The following SIK2 variants were observed in gnomAD, a reference collection of about 807,000 sequenced individuals.
SIK2 encodes salt inducible kinase 2.
Under a neutral mutation model 103.2 loss-of-function variants are expected in SIK2, and 29 were observed. The observed-to-expected ratio is 0.28, with a 90% CI of 0.21 to 0.38. The LOEUF (loss-of-function observed/expected upper bound fraction) is 0.38, where lower values mean the gene tolerates loss of function less well. Among genes scored for constraint, SIK2 ranks in the 10% least tolerant of loss-of-function variants. The pLI is 1.00. For missense variants in SIK2, 879 were observed against 1,171.0 expected, an observed-to-expected ratio of 0.75 and a Z score of 3.64; for synonymous variants, 412 against 446.1, an observed-to-expected ratio of 0.92 and a Z score of 0.96.
chr11:111,624,464 T>G lies in SIK2; in HGVS notation c.316+4062T>G, dbSNP rs192797094. 1.6e-3 allele frequency among the ~76,000 whole-genome samples: 243 copies of G among 152,362 alleles called. 2 individuals carry two copies. The highest frequency in any genetic ancestry group is 5.4e-3 in the African/African-American group (225 of 41,590). On this transcript the variant is annotated intron_variant, in intron 3 of 14. Coordinates refer to ENST00000304987, the MANE Select transcript of SIK2 (RefSeq NM_015191.3). ...ACCATATTAATTGTTAACATTACTTTGGGCAGGTTTCTTTCCTTTTCTTCC... is the reference window on the plus strand; with the variant it reads ...ACCATATTAATTGTTAACATTACTTGGGGCAGGTTTCTTTCCTTTTCTTCC...
intron 3 of SIK2, among the ~76,000 whole-genome samples, chr11:111,632,123 G>T (rs1297070528): frequency 6.6e-6 from 1 of 152,136 alleles, no homozygotes; most frequent in Non-Finnish European, 1.5e-5. Context: ...CAGGACATAA[G>T]GGCCTAAGAA....
chr11:111,723,881 T>C lies in SIK2; in HGVS notation c.2533T>C (p.Ser845Pro). ...AGCTGCCCCAGCCCCCTTACAGTTC[T>C]CCTATCAGACTTGTGAGCTGCCAAG... is the stretch of plus-strand genomic sequence containing the variant. ...PGAAPAPLQF[S>P]YQTCELPSAA... is the part of the protein sequence containing the mutation. The change falls in exon 15 of 15, where the codon TCC becomes CCC. Residue 845 changes from serine to proline, a missense_variant. Physicochemically the swap from Ser to Pro is moderately conservative, Grantham distance 74. Transcript: ENST00000304987. 6.2e-7 allele frequency: 1 copy of C among 1,610,240 alleles called. No individual in the cohort carries two copies. Among genetic ancestry groups the C allele is most frequent in the Non-Finnish European group, 8.5e-7 (1 of 1,177,570 alleles).
chr11:111,642,341 C>T (rs1194440547), intron 3 of SIK2, among the ~76,000 whole-genome samples: 1 of 152,206 alleles, frequency 6.6e-6, no homozygotes, highest in Non-Finnish European at 1.5e-5. Context: ...TCCCACTTGA[C>T]TACAAAGTTG....
At chr11:111,623,126 T>A (rs1412704967) in intron 3 of SIK2, among the ~76,000 whole-genome samples, 1 of 152,210 alleles carries the variant, frequency 6.6e-6, no homozygotes, top group Non-Finnish European at 1.5e-5. Flanking sequence ...TCATGTTGAG[T>A]AGTTGCTATT....
At chr11:111,635,175 G>A (rs187880078) in intron 3 of SIK2, among the ~76,000 whole-genome samples, 4 of 151,996 alleles carry the variant, frequency 2.6e-5, no homozygotes, top group African/African-American at 7.2e-5. Flanking sequence ...AAATTGGGTC[G>A]GACATTAAAA....
chr11:111,717,491 G>T (rs1028464548), intron 9 of SIK2, among the ~76,000 whole-genome samples: 1 of 152,176 alleles, frequency 6.6e-6, no homozygotes, highest in Non-Finnish European at 1.5e-5. Flanking sequence ...TACACTGTTA[G>T]TGGGAGTGTA....
chr11:111,648,574 C>T (rs888788438), intron 3 of SIK2, among the ~76,000 whole-genome samples: 3 of 151,666 alleles, frequency 2.0e-5, no homozygotes, highest in Admixed American at 1.3e-4. Context: ...ACAAACAAGA[C>T]CATAGCATAT....
rs539132258 is a variant in SIK2 at position 111,606,572 on chromosome 11, G to A, written c.135+3874G>A. On this transcript the variant is annotated intron_variant, in intron 1 of 14. Coordinates refer to ENST00000304987, the MANE Select transcript of SIK2 (RefSeq NM_015191.3). ...GTGTTCTACCTTGTGGATGAATATC[G>A]TTTTACCTAACAATTCCCTTATTAA... 8.9e-4 allele frequency among the ~76,000 whole-genome samples: 135 copies of A among 151,980 alleles called. 1 individual carries two copies. The highest frequency in any genetic ancestry group is 2.9e-3 in the Admixed American group (44 of 15,276).
chr11:111,706,248 A>G (rs1262069191), intron 8 of SIK2, among the ~76,000 whole-genome samples: 1 of 152,234 alleles, frequency 6.6e-6, no homozygotes, highest in Non-Finnish European at 1.5e-5. Context: ...TGTTATATAA[A>G]GTAATAAATA....
chr11:111,723,471 C>A (rs1293068842), intron 14 of SIK2, 25 bp from the exon 15 acceptor site: 3 of 1,556,890 alleles, frequency 1.9e-6, no homozygotes, highest in African/African-American at 2.8e-5. Flanking sequence ...ATTTAAAATT[C>A]TTTCCTTTGA....
chr11:111,626,371 G>T (rs1284847511), intron 3 of SIK2, among the ~76,000 whole-genome samples: 1 of 151,432 alleles, frequency 6.6e-6, no homozygotes, highest in African/African-American at 2.4e-5. Context: ...CAGAACTCAT[G>T]ATCTTTTTTT....
At chr11:111,704,730 A>G (rs550734813) in intron 7 of SIK2, among the ~76,000 whole-genome samples, 2 of 152,350 alleles carry the variant, frequency 1.3e-5, no homozygotes, top group East Asian at 3.9e-4. Context: ...TGACTGGAGA[A>G]AAATAAATGG....
In SIK2 at chr11:111,727,833, A is replaced by C. The variant is rs1944025423; in HGVS notation, c.*3704A>C. 6.6e-6 allele frequency: 1 copy of C among 152,280 alleles called. No individual in the cohort carries two copies. The highest frequency in any genetic ancestry group is 1.5e-5 in the Non-Finnish European group (1 of 68,054). 9.4% of individuals were successfully genotyped at this position (152,280 alleles called of 1,614,324 possible). On this transcript the variant is annotated 3_prime_UTR_variant, in exon 15 of 15. Coordinates refer to ENST00000304987, the MANE Select transcript of SIK2 (RefSeq NM_015191.3). ...TGTGGGCACTAAGCAGCCTCTGGAG[A>C]CATGCGGGCAGTTGAGGATGCAAGG...
rs1227550007 is a variant in SIK2 at position 111,726,039 on chromosome 11, ATCATT to A, written c.*1917_*1921del. On this transcript the variant is annotated 3_prime_UTR_variant, in exon 15 of 15. Coordinates refer to ENST00000304987, the MANE Select transcript of SIK2 (RefSeq NM_015191.3). ...TTGATGATTTCGTGAAATAAAGAACATCATTTCATTTAAGAGATCATTTCATTAAG... is the reference window on the plus strand; with the variant it reads ...TTGATGATTTCGTGAAATAAAGAACATCATTTAAGAGATCATTTCATTAAG... The A allele has an allele frequency of 2.0e-4, 30 of 152,234 alleles. No individual in the cohort carries two copies. The highest frequency in any genetic ancestry group is 5.8e-4 in the African/African-American group (24 of 41,456). The allele number at this position is 152,234 out of a possible 1,614,324, so 9.4% of individuals were successfully genotyped here. A position where few individuals can be genotyped will look rare whatever the true frequency, so the allele number is the denominator to read the frequency against.
rs142099768 is a variant in SIK2 at position 111,617,955 on chromosome 11, G to C, written c.252+1596G>C. Among the ~76,000 whole-genome samples the C allele has an allele frequency of 9.7e-4, 147 of 151,972 alleles. 1 individual carries two copies. Among genetic ancestry groups the C allele is most frequent in the African/African-American group, 3.4e-3 (142 of 41,452 alleles). On this transcript the variant is annotated intron_variant, in intron 2 of 14. Coordinates refer to ENST00000304987, the MANE Select transcript of SIK2 (RefSeq NM_015191.3). ...TTGTATTTTATTTTTTTTAGAGAGAGGGTCTCACTGTTGTTGCCCAGACTG... is the reference window on the plus strand; with the variant it reads ...TTGTATTTTATTTTTTTTAGAGAGACGGTCTCACTGTTGTTGCCCAGACTG...
intron 1 of SIK2, among the ~76,000 whole-genome samples, chr11:111,605,487 G>C (rs1466744280): frequency 6.6e-6 from 1 of 152,032 alleles, no homozygotes. Context: ...CAATGAATAT[G>C]GTATAAAAAT....
At chr11:111,641,779 T>G (rs1220462496) in intron 3 of SIK2, among the ~76,000 whole-genome samples, 1 of 152,114 alleles carries the variant, frequency 6.6e-6, no homozygotes, top group Non-Finnish European at 1.5e-5. Flanking sequence ...TTTTTCCAAT[T>G]TCATTTCCTG....
At chr11:111,670,800 A>G (rs1942614628) in intron 3 of SIK2, among the ~76,000 whole-genome samples, 1 of 152,250 alleles carries the variant, frequency 6.6e-6, no homozygotes, top group African/African-American at 2.4e-5. Flanking sequence ...AAGAGTGGGT[A>G]CCCCAGGCAA....
intron 3 of SIK2, among the ~76,000 whole-genome samples, chr11:111,648,193 T>G (rs184425615): frequency 6.6e-6 from 1 of 152,312 alleles, no homozygotes; most frequent in East Asian, 1.9e-4. Context: ...TGATTTCATT[T>G]GGGTTTTTAA....
Sources: allele counts gnomAD v4.1 joint callset (sites outside exome capture counted in the v4.1 genomes callset), GRCh38; gene constraint gnomAD v4.1.1; transcripts MANE v1.5; gene names NCBI Gene and HGNC (gene_info 2026-07-23, HGNC 2026-07-21).